SLX4IP: variants seen among roughly 807,000 people sequenced by gnomAD.
SLX4IP encodes the protein SLX4 interacting protein, also known as protein SLX4IP.
In SLX4IP, 34 loss-of-function variants were observed where a neutral mutation model predicts 32.9. The observed-to-expected ratio is 1.03, with a 90% CI of 0.79 to 1.38. SLX4IP has a LOEUF of 1.38. SLX4IP is among the 40% of genes most tolerant of loss of function. SLX4IP has a pLI of 0.00. For synonymous variants in SLX4IP, 172 were observed against 171.7 expected (o/e 1.00, Z -0.01); for missense variants, 444 against 479.0 (o/e 0.93, Z 0.68).
chr20:10,472,040 G>C (rs1230876219), intron 2 of SLX4IP, among the ~76,000 whole-genome samples: 1 of 152,200 alleles, frequency 6.6e-6, no homozygotes. Flanking sequence ...GTCAAGAGGA[G>C]AGGAAATAAC....
At chr20:10,605,490 T>G (rs942186808) in intron 6 of SLX4IP, among the ~76,000 whole-genome samples, 8 of 152,208 alleles carry the variant, frequency 5.3e-5, no homozygotes, top group Non-Finnish European at 1.2e-4. Flanking sequence ...ACCTGTATCT[T>G]TAAGGGTTCC....
At chr20:10,459,006 G>A (rs373957368) in intron 2 of SLX4IP, among the ~76,000 whole-genome samples, 15 of 152,130 alleles carry the variant, frequency 9.9e-5, no homozygotes, top group African/African-American at 2.4e-4. Flanking sequence ...CTTTTTCTCC[G>A]CAATCTCACC....
chr20:10,518,905 C>G (rs2065881725), intron 2 of SLX4IP, among the ~76,000 whole-genome samples: 2 of 152,062 alleles, frequency 1.3e-5, no homozygotes, highest in South Asian at 4.1e-4. Flanking sequence ...AAATGTTTGC[C>G]TAACACAGGT....
At chr20:10,522,851 G>A (rs187063337) in intron 2 of SLX4IP, among the ~76,000 whole-genome samples, 103 of 152,306 alleles carry the variant, frequency 6.8e-4, no homozygotes, top group African/African-American at 2.5e-3. Context: ...GCTGAGGAAG[G>A]GGGTCCCACC....
At chr20:10,568,267 G>A (rs1451122465) in intron 4 of SLX4IP, among the ~76,000 whole-genome samples, 1 of 152,182 alleles carries the variant, frequency 6.6e-6, no homozygotes, top group Non-Finnish European at 1.5e-5. Context: ...CTGCAAGATA[G>A]TGAGATAATG....
At chr20:10,551,737 G>A (rs564573784) in intron 2 of SLX4IP, among the ~76,000 whole-genome samples, 6 of 152,320 alleles carry the variant, frequency 3.9e-5, no homozygotes, top group Admixed American at 2.0e-4. Flanking sequence ...GCTAGGGTTC[G>A]AGGATGCATA....
intron 2 of SLX4IP, among the ~76,000 whole-genome samples, chr20:10,517,378 G>A (rs1039776592): frequency 6.6e-6 from 1 of 152,216 alleles, no homozygotes; most frequent in Admixed American, 6.5e-5. Context: ...ACGTGATGTA[G>A]GGTGGGGATA....
chr20:10,534,411 C>T (rs1488960276), intron 2 of SLX4IP, among the ~76,000 whole-genome samples: 1 of 152,160 alleles, frequency 6.6e-6, no homozygotes, highest in Non-Finnish European at 1.5e-5. Flanking sequence ...ATCAATCACA[C>T]AGAAGCAGGA....
chr20:10,556,355 A>C (rs778558491), intron 3 of SLX4IP, 35 bp downstream of exon 3: 1 of 1,567,932 alleles, frequency 6.4e-7, no homozygotes, highest in Non-Finnish European at 8.8e-7. Context: ...AATTGCAAGT[A>C]GCTGCTGCTG....
At chr20:10,490,891 T>C (rs1309652406) in intron 2 of SLX4IP, among the ~76,000 whole-genome samples, 1 of 152,186 alleles carries the variant, frequency 6.6e-6, no homozygotes, top group African/African-American at 2.4e-5. Flanking sequence ...CTCAACTTGT[T>C]TTCTGCTACA....
chr20:10,613,970 C>T (rs1600157634), intron 6 of SLX4IP: 8 of 1,170,556 alleles, frequency 6.8e-6, no homozygotes, highest in African/African-American at 1.5e-5. Context: ...CCTCGTCCAC[C>T]GTTCCCTGCT....
At chr20:10,500,130 C>CT (rs34751503) in intron 2 of SLX4IP, among the ~76,000 whole-genome samples, 55,672 of 90,184 alleles carry the variant, frequency 0.62, 19,629 homozygotes, top group African/African-American at 0.81. Flanking sequence ...TGTCAAAATT[C>CT]TTTTTTTTTT....
In SLX4IP at chr20:10,622,674, A is replaced by C. The variant is rs201500525; in HGVS notation, c.522A>C (p.Glu174Asp). Residue 174 changes from glutamate (E) to aspartate (D), a missense_variant, in exon 8 of 8, where the codon GAA (glutamate) becomes GAC (aspartate). By Grantham distance (45) the Glu-to-Asp change is conservative. Transcript: ENST00000334534. ...NALKEIVKRT[E>D]TKSSVTSKSQ... ...TTTGTTTCAGTGTGAAAAGAACTGA[A>C]ACAAAAAGCAGTGTCACGAGCAAAT... 3.7e-6 allele frequency: 6 copies of C among 1,608,292 alleles called. No homozygotes were observed. The East Asian group carries it at 1.3e-4, about 36-fold the overall frequency.
chr20:10,618,973 C>T (rs2067073135), intron 6 of SLX4IP, among the ~76,000 whole-genome samples: 1 of 152,034 alleles, frequency 6.6e-6, no homozygotes, highest in Non-Finnish European at 1.5e-5. Flanking sequence ...GCACCAGAGG[C>T]TCTGATTTAG....
intron 4 of SLX4IP, among the ~76,000 whole-genome samples, chr20:10,582,129 A>G (rs2066593784): frequency 6.6e-6 from 1 of 152,082 alleles, no homozygotes; most frequent in South Asian, 2.1e-4. Context: ...ATCTAAATAA[A>G]AGGAAAGTGA....
chr20:10,564,086 G>A (rs1165843969), intron 4 of SLX4IP, among the ~76,000 whole-genome samples: 1 of 152,152 alleles, frequency 6.6e-6, no homozygotes, highest in African/African-American at 2.4e-5. Flanking sequence ...TTTTGTTCTA[G>A]GCTGTGTAGA....
At chr20:10,445,932 GCTTT>G (rs2065198758) in intron 1 of SLX4IP, among the ~76,000 whole-genome samples, 1 of 126,240 alleles carries the variant, frequency 7.9e-6, no homozygotes, top group Non-Finnish European at 1.6e-5. Flanking sequence ...GGCTGAGATT[GCTTT>G]TTTTTTTTTT....
intron 4 of SLX4IP, among the ~76,000 whole-genome samples, chr20:10,570,322 CA>C (rs2066446975): frequency 6.6e-6 from 1 of 152,212 alleles, no homozygotes; most frequent in African/African-American, 2.4e-5. Context: ...CCCTCACCCA[CA>C]AGGTGGCTAT....
chr20:10,623,979 T>C lies in SLX4IP; in HGVS notation c.*600T>C. The C allele has an allele frequency of 6.5e-6, 1 of 153,198 alleles. No individual in the cohort carries two copies. Among genetic ancestry groups the C allele is most frequent in the Admixed American group, 6.5e-5 (1 of 15,434 alleles). 9.5% of individuals were successfully genotyped at this position (153,198 alleles called of 1,614,324 possible). On this transcript the variant is annotated 3_prime_UTR_variant, in exon 8 of 8. Coordinates refer to ENST00000334534, the MANE Select transcript of SLX4IP (RefSeq NM_001009608.3). ...TCGCGTTTGAGAACCACTGGACTAA[T>C]AGAACACTCCCCAGTGCTTCCTGCA...
Sources: gnomAD v4.1 joint callset for allele counts (sites outside exome capture counted in the v4.1 genomes callset) on GRCh38, gnomAD v4.1.1 for gene constraint, MANE v1.5 for transcripts, NCBI Gene and HGNC (gene_info 2026-07-23, HGNC 2026-07-21) for gene names.